Variants in SPATA13 observed in about 807,000 individuals in gnomAD.
The protein encoded by SPATA13 is spermatogenesis associated 13.
In SPATA13, 50 loss-of-function variants were observed where a neutral mutation model predicts 104.0. The observed-to-expected ratio is 0.48, with a 90% CI of 0.38 to 0.61. SPATA13 has a LOEUF of 0.61. Ranked by LOEUF, SPATA13 falls within the 20% of genes least tolerant of loss-of-function variation. SPATA13 has a pLI of 0.00. For missense variants in SPATA13, 1,524 were observed against 1,690.6 expected, an observed-to-expected ratio of 0.90 and a Z score of 1.73; for synonymous variants, 606 against 667.5, an observed-to-expected ratio of 0.91 and a Z score of 1.42.
chr13:24,115,222 C>T (rs571937047), intron 3 of SPATA13, among the ~76,000 whole-genome samples: 213 of 152,324 alleles, frequency 1.4e-3, no homozygotes, highest in African/African-American at 4.9e-3. Flanking sequence ...TTGGGTCTTC[C>T]AGGTGCCTCT....
At chr13:24,294,248 C>T (rs1876599649) in intron 9 of SPATA13, among the ~76,000 whole-genome samples, 1 of 152,212 alleles carries the variant, frequency 6.6e-6, no homozygotes, top group Non-Finnish European at 1.5e-5. Flanking sequence ...ATTTCCGTAA[C>T]TCACCACTTC....
rs1871726957 is a variant in SPATA13 at position 24,223,482 on chromosome 13, G to A, written c.553G>A (p.Asp185Asn). Residue 185 changes from aspartate to asparagine, a missense_variant, in exon 2 of 13, where the codon GAC becomes AAC. Physicochemically the swap from Asp to Asn is conservative, Grantham distance 23 (BLOSUM62 1). This residue lies in a region of SPATA13 where 1,089 missense variants were observed against 1,135.9 expected (regional missense o/e 0.96). Transcript: ENST00000382108. ...PAEWGTLDGS[D>N]LEDTDDAFQR... ...AGAGTGGGGCACATTGGATGGCTCC[G>A]ACCTCGAGGACACGGACGATGCCTT... is the stretch of plus-strand genomic sequence containing the variant. 2.6e-6 allele frequency: 4 copies of A among 1,549,142 alleles called. No homozygotes were observed. The highest frequency in any genetic ancestry group is 1.4e-5 in the African/African-American group (1 of 73,172).
chr13:24,153,380 C>T (rs1882162305), intron 3 of SPATA13, among the ~76,000 whole-genome samples: 1 of 152,234 alleles, frequency 6.6e-6, no homozygotes, highest in Non-Finnish European at 1.5e-5. Context: ...ACTCTTCTCA[C>T]ACTCCATTTC....
intron 9 of SPATA13, 69 bp downstream of exon 9, chr13:24,290,953 C>A: frequency 7.7e-7 from 1 of 1,293,450 alleles, no homozygotes. Context: ...CTCTTAACTC[C>A]AGGCAGTGAT....
chr13:24,284,405 C>T (rs777908813), intron 5 of SPATA13, 134 bp downstream of exon 5: 122 of 1,017,266 alleles, frequency 1.2e-4, no homozygotes, highest in Middle Eastern at 3.1e-4. Context: ...TAAAACAACA[C>T]TGTGATTCAC....
At position 24,297,665 on chromosome 13, in the gene SPATA13, A is replaced by G; in HGVS notation, c.3513A>G (p.Gln1171=). Residue 1171 remains glutamine, a synonymous_variant, in exon 11 of 13, where the codon CAA becomes CAG. Coordinates refer to ENST00000382108, the MANE Select transcript of SPATA13 (RefSeq NM_001166271.3). The stretch of plus-strand genomic sequence containing the variant: ...TTTATTTGTTTTGTGCCAAAAAACA[A>G]GAAGACAAGGCGAGGTGGCTGCAGG... ...DEVYLFCAKK[Q]EDKARWLQAC... is the part of the protein sequence containing the mutation. The G allele has an allele frequency of 6.2e-7, 1 of 1,614,250 alleles. No homozygotes were observed. The highest frequency in any genetic ancestry group is 8.5e-7 in the Non-Finnish European group (1 of 1,180,048).
At chr13:24,074,563 T>C (rs1046946712) in intron 3 of SPATA13, among the ~76,000 whole-genome samples, 9 of 152,130 alleles carry the variant, frequency 5.9e-5, no homozygotes, top group Non-Finnish European at 1.2e-4. Context: ...ACACATTAAC[T>C]CCTTAAATCT....
At chr13:24,171,293 G>A (rs1381934122) in intron 1 of SPATA13, among the ~76,000 whole-genome samples, 1 of 152,106 alleles carries the variant, frequency 6.6e-6, no homozygotes, top group African/African-American at 2.4e-5. Flanking sequence ...TTCAAGAGAC[G>A]AAGGAAGATG....
At chr13:24,284,797 C>T (rs1875804619) in intron 5 of SPATA13, among the ~76,000 whole-genome samples, 1 of 152,180 alleles carries the variant, frequency 6.6e-6, no homozygotes, top group African/African-American at 2.4e-5. Flanking sequence ...TCGGCCAGTG[C>T]TTTCCACTTG....
At chr13:24,029,124 G>A (rs905559943) in intron 3 of SPATA13, among the ~76,000 whole-genome samples, 2 of 151,916 alleles carry the variant, frequency 1.3e-5, no homozygotes, top group East Asian at 1.9e-4. Context: ...GGGTCTCACT[G>A]TGTTGTCCAA....
At chr13:24,239,346 T>G (rs1039714191) in intron 2 of SPATA13, among the ~76,000 whole-genome samples, 4 of 152,124 alleles carry the variant, frequency 2.6e-5, no homozygotes, top group Non-Finnish European at 4.4e-5. Context: ...GAAAGTAAGT[T>G]TATTTACATT....
intron 3 of SPATA13, among the ~76,000 whole-genome samples, chr13:24,031,924 G>T (rs756326900): frequency 6.6e-5 from 10 of 152,122 alleles, no homozygotes; most frequent in Non-Finnish European, 1.3e-4. Context: ...TTCATTTTTG[G>T]ATAATTCTTC....
intron 4 of SPATA13, among the ~76,000 whole-genome samples, chr13:24,265,041 T>C (rs769996613): frequency 6.6e-6 from 1 of 152,226 alleles, no homozygotes; most frequent in Non-Finnish European, 1.5e-5. Context: ...GTGAAAGCAG[T>C]TGCTTTGAAG....
chr13:24,254,689 G>A (rs912146), intron 4 of SPATA13, among the ~76,000 whole-genome samples: 32,170 of 152,094 alleles, frequency 0.21, 4,019 homozygotes, highest in African/African-American at 0.35. Flanking sequence ...TCAGCTTTCC[G>A]CAAGGGGCTG....
At chr13:24,192,326 T>C (rs1308790894) in intron 1 of SPATA13, among the ~76,000 whole-genome samples, 2 of 152,134 alleles carry the variant, frequency 1.3e-5, no homozygotes, top group East Asian at 1.9e-4. Flanking sequence ...TCAGGGGCTT[T>C]TTCCTGTAGT....
chr13:24,013,307 C>T lies in SPATA13; in HGVS notation c.-146-4360C>T, dbSNP rs1228796077. 2.6e-5 allele frequency among the ~76,000 whole-genome samples: 4 copies of T among 152,330 alleles called. No homozygotes were observed. In the East Asian group the frequency reaches 7.7e-4, roughly 29 times the overall value. ...GAGCACCCTGGCTTCCACAGCATTG[C>T]ATGCCCACTGCCAGCCCGTTCCTCC... On this transcript the variant is annotated intron_variant, in intron 2 of 14. Transcript: ENST00000424834.
intron 3 of SPATA13, among the ~76,000 whole-genome samples, chr13:24,087,687 C>G (rs1879778228): frequency 1.3e-5 from 2 of 152,328 alleles, no homozygotes; most frequent in South Asian, 4.1e-4. Flanking sequence ...CCTCTCTACA[C>G]ACACGCTTCT....
In SPATA13 at chr13:24,289,087, A is replaced by C; in HGVS notation, c.2756A>C (p.Lys919Thr). 1 of 1,614,024 alleles carries C rather than the reference A, an allele frequency of 6.2e-7. No individual in the cohort carries two copies. Residue 919 changes from lysine (K) to threonine (T), a missense_variant, in exon 8 of 13, where the codon AAA (lysine) becomes ACA (threonine). Physicochemically the swap from Lys to Thr is moderately conservative, Grantham distance 78 (BLOSUM62 -1). Around this residue, in one of 2 missense-constraint regions of SPATA13, gnomAD observed 435 missense variants for 554.8 expected, o/e 0.78. Transcript: ENST00000382108. ...TIFGNIEDIYKFQRKFLKDLE... is the reference protein window; with the variant it reads ...TIFGNIEDIYTFQRKFLKDLE... ...TTTGGAAACATTGAAGATATTTACA[A>C]ATTCCAAAGAAAGTTTCTGAAAGAC...
chr13:23,995,355 C>T (rs886785109), intron 2 of SPATA13, among the ~76,000 whole-genome samples: 4 of 152,144 alleles, frequency 2.6e-5, no homozygotes, highest in African/African-American at 7.2e-5. Flanking sequence ...TCCCATTGAA[C>T]GGGATTTGAC....
Sources: gnomAD v4.1 joint callset for allele counts (sites outside exome capture counted in the v4.1 genomes callset) on GRCh38, gnomAD v4.1.1 for gene constraint, gnomAD v4.1.1 regional missense constraint, MANE v1.5 for transcripts, NCBI Gene and HGNC (gene_info 2026-07-23, HGNC 2026-07-21) for gene names.